The following PLPPR1 variants were observed in gnomAD, a reference collection of about 807,000 sequenced individuals.
The protein encoded by PLPPR1 is phospholipid phosphatase-related protein type 1.
A neutral mutation model predicts 33.1 loss-of-function variants in PLPPR1; 10 were observed. The ratio of observed to expected loss-of-function variants is 0.30; its 90% confidence interval spans 0.19 to 0.51. The LOEUF (loss-of-function observed/expected upper bound fraction) is 0.51. PLPPR1 is among the 20% of genes least tolerant of loss of function. PLPPR1 has a pLI of 0.97. For missense variants in PLPPR1, 304 were observed against 408.1 expected, an observed-to-expected ratio of 0.74 and a Z score of 2.20; for synonymous variants, 151 against 151.0, an observed-to-expected ratio of 1.00 and a Z score of 0.00.
intron 1 of PLPPR1, among the ~76,000 whole-genome samples, chr9:101,092,230 C>T (rs993066213): frequency 1.1e-4 from 16 of 152,164 alleles, no homozygotes; most frequent in Admixed American, 6.5e-4. Flanking sequence ...TTTAGGAAGC[C>T]TCTGCTGATC....
chr9:101,198,572 A>T (rs1428370898), intron 2 of PLPPR1, among the ~76,000 whole-genome samples: 1 of 152,242 alleles, frequency 6.6e-6, no homozygotes, highest in East Asian at 1.9e-4. Context: ...CATACATAAC[A>T]TGATGAGAGG....
intron 4 of PLPPR1, among the ~76,000 whole-genome samples, chr9:101,291,542 A>G (rs903340268): frequency 4.6e-5 from 7 of 152,192 alleles, no homozygotes; most frequent in Non-Finnish European, 1.0e-4. Flanking sequence ...GGCACCCGCC[A>G]GTAGGGGCAG....
At chr9:101,090,689 G>A (rs941220193) in intron 1 of PLPPR1, among the ~76,000 whole-genome samples, 8 of 151,968 alleles carry the variant, frequency 5.3e-5, no homozygotes, top group African/African-American at 1.9e-4. Flanking sequence ...CTGCTCTCCA[G>A]CCTGGACGAC....
intron 4 of PLPPR1, among the ~76,000 whole-genome samples, chr9:101,305,287 T>C (rs1828837835): frequency 6.6e-6 from 1 of 152,048 alleles, no homozygotes; most frequent in African/African-American, 2.4e-5. Flanking sequence ...ACATACTCCA[T>C]ATGAAGGTTA....
chr9:101,225,286 T>C (rs1328026454), intron 2 of PLPPR1, among the ~76,000 whole-genome samples: 1 of 152,194 alleles, frequency 6.6e-6, no homozygotes, highest in Non-Finnish European at 1.5e-5. Flanking sequence ...ATTAAGTCAA[T>C]TTCTTTAGAA....
chr9:101,321,190 C>T (rs1829143164), intron 7 of PLPPR1, among the ~76,000 whole-genome samples: 1 of 152,158 alleles, frequency 6.6e-6, no homozygotes, highest in Admixed American at 6.5e-5. Flanking sequence ...AGCACACATT[C>T]GTACACATGA....
intron 3 of PLPPR1, among the ~76,000 whole-genome samples, chr9:101,284,275 TA>T: frequency 6.6e-6 from 1 of 152,230 alleles, no homozygotes. Context: ...TATATGCCAT[TA>T]AAAAGGCAAT....
At chr9:101,163,026 G>A (rs3118943) in intron 1 of PLPPR1, among the ~76,000 whole-genome samples, 91,956 of 151,994 alleles carry the variant, frequency 0.6, 29,187 homozygotes, top group Non-Finnish European at 0.71. Flanking sequence ...AATAATTGTC[G>A]AAATTATTCA....
chr9:101,069,220 C>T (rs923388274), intron 1 of PLPPR1, among the ~76,000 whole-genome samples: 8 of 151,858 alleles, frequency 5.3e-5, no homozygotes, highest in Middle Eastern at 3.4e-3. Flanking sequence ...AGTTGCTGGG[C>T]GTAACCACCT....
chr9:101,075,192 C>T (rs1177630937), intron 1 of PLPPR1, among the ~76,000 whole-genome samples: 2 of 151,980 alleles, frequency 1.3e-5, no homozygotes, highest in Admixed American at 6.6e-5. Context: ...TAAGCATTTC[C>T]TTGTATGGAT....
At chr9:101,206,580 G>A (rs929132910) in intron 2 of PLPPR1, among the ~76,000 whole-genome samples, 1 of 152,168 alleles carries the variant, frequency 6.6e-6, no homozygotes, top group Admixed American at 6.5e-5. Flanking sequence ...CAAGGGGGCA[G>A]AGGTGGGGAT....
At chr9:101,164,519 T>C (rs1238647500) in intron 1 of PLPPR1, among the ~76,000 whole-genome samples, 3 of 151,980 alleles carry the variant, frequency 2.0e-5, no homozygotes, top group African/African-American at 7.2e-5. Flanking sequence ...CACACCACCA[T>C]GGACAGCTAA....
intron 1 of PLPPR1, among the ~76,000 whole-genome samples, chr9:101,066,590 A>G (rs1383838772): frequency 2.6e-5 from 4 of 152,034 alleles, no homozygotes; most frequent in African/African-American, 7.2e-5. Context: ...TATATACTTT[A>G]GGTTATAATC....
chr9:101,278,364 C>T (rs1828234828), intron 3 of PLPPR1, among the ~76,000 whole-genome samples: 1 of 151,990 alleles, frequency 6.6e-6, no homozygotes, highest in Non-Finnish European at 1.5e-5. Context: ...GTAATCATAC[C>T]CCCTCCAACT....
chr9:101,293,556 A>G (rs1221488590), intron 4 of PLPPR1, among the ~76,000 whole-genome samples: 1 of 152,166 alleles, frequency 6.6e-6, no homozygotes, highest in Non-Finnish European at 1.5e-5. Flanking sequence ...GTTGGAAGTA[A>G]AGCTCTCCTC....
chr9:101,231,279 T>TA (rs5899436), intron 2 of PLPPR1, among the ~76,000 whole-genome samples: 105 of 147,112 alleles, frequency 7.1e-4, no homozygotes, highest in South Asian at 1.7e-3. Context: ...GTGCCCCAAT[T>TA]AAAAAAAAAA....
chr9:101,143,543 A>G (rs914251535), intron 1 of PLPPR1, among the ~76,000 whole-genome samples: 2 of 152,210 alleles, frequency 1.3e-5, no homozygotes, highest in East Asian at 3.8e-4. Flanking sequence ...ACAAAGGGCT[A>G]ATATCCAGAA....
intron 2 of PLPPR1, among the ~76,000 whole-genome samples, chr9:101,196,637 G>A (rs1478016144): frequency 2.6e-5 from 4 of 152,124 alleles, no homozygotes; most frequent in Admixed American, 1.3e-4. Context: ...CGAGGCGGGC[G>A]GATCACGAGG....
chr9:101,257,347 C>G (rs1185468096), intron 2 of PLPPR1, among the ~76,000 whole-genome samples: 2 of 152,074 alleles, frequency 1.3e-5, no homozygotes, highest in South Asian at 2.1e-4. Flanking sequence ...ATAATATGTC[C>G]CAAACAGTTT....
Sources: allele counts gnomAD v4.1 joint callset (sites outside exome capture counted in the v4.1 genomes callset), GRCh38; gene constraint gnomAD v4.1.1; transcripts MANE v1.5; gene names NCBI Gene and HGNC (gene_info 2026-07-23, HGNC 2026-07-21).